ING5: variants seen among roughly 807,000 people sequenced by gnomAD.
The protein encoded by ING5 is inhibitor of growth family member 5.
ING5 carries 17 observed loss-of-function variants against 37.4 expected under a neutral mutation model. The observed-to-expected ratio is 0.45, with a 90% CI of 0.31 to 0.68. The LOEUF is 0.68. Ranked by LOEUF, ING5 falls within the 30% of genes least tolerant of loss-of-function variation. The probability of loss-of-function intolerance (pLI) is 0.05; values close to 1 mark genes in which losing one functional copy is unlikely to be tolerated. For missense variants in ING5, 233 were observed against 311.9 expected, an observed-to-expected ratio of 0.75 and a Z score of 1.91; for synonymous variants, 123 against 116.6, an observed-to-expected ratio of 1.06 and a Z score of -0.36.
intron 5 of ING5, chr2:241,722,242 C>G: frequency 1.0e-6 from 1 of 985,338 alleles, no homozygotes; most frequent in Non-Finnish European, 1.2e-6. Context: ...AGGTGTCAGC[C>G]GTCTGCTGGC....
chr2:241,722,389 T>C (rs1409264636), intron 5 of ING5: 5 of 985,054 alleles, frequency 5.1e-6, no homozygotes, highest in Non-Finnish European at 6.0e-6. Context: ...GTCCCCAGAG[T>C]GGGACCAGAA....
chr2:241,719,036 T>C (rs1321171749), intron 5 of ING5, among the ~76,000 whole-genome samples: 1 of 152,232 alleles, frequency 6.6e-6, no homozygotes, highest in East Asian at 1.9e-4. Context: ...CCAATAGGGC[T>C]GGGGGCCTGG....
intron 7 of ING5, chr2:241,723,788 C>T: frequency 6.3e-7 from 1 of 1,598,154 alleles, no homozygotes; most frequent in Non-Finnish European, 8.5e-7. Flanking sequence ...TGTTGTTCCT[C>T]AGATTTCATT....
At chr2:241,710,056 C>T (rs926842471) in intron 3 of ING5, among the ~76,000 whole-genome samples, 1 of 152,002 alleles carries the variant, frequency 6.6e-6, no homozygotes, top group East Asian at 1.9e-4. Context: ...GATTCTCCTG[C>T]CTCAGTCTCC....
intron 2 of ING5, among the ~76,000 whole-genome samples, chr2:241,705,693 A>C (rs143679984): frequency 0.13 from 19,933 of 152,114 alleles, 1,709 homozygotes; most frequent in East Asian, 0.42. Context: ...GGCATGAGCC[A>C]CCGCGCCCGG....
intron 4 of ING5, 60 bp from the exon 5 acceptor site, chr2:241,711,918 A>G: frequency 2.1e-6 from 3 of 1,450,504 alleles, no homozygotes; most frequent in Non-Finnish European, 2.8e-6. Context: ...AACAAAACAC[A>G]AAACTTGCCT....
intron 1 of ING5, among the ~76,000 whole-genome samples, chr2:241,703,097 G>C (rs1035528941): frequency 1.3e-5 from 2 of 152,076 alleles, no homozygotes; most frequent in Non-Finnish European, 2.9e-5. Flanking sequence ...GGGGTTCCCT[G>C]GGTAGAAGAG....
In ING5 at chr2:241,709,229, G is replaced by A. The variant is rs1264994018; in HGVS notation, c.123G>A (p.Glu41=). The A allele has an allele frequency of 6.2e-7, 1 of 1,611,954 alleles. No homozygotes were observed. The highest frequency in any genetic ancestry group is 1.1e-5 in the South Asian group (1 of 90,832). Residue 41 remains glutamate (E), a synonymous_variant, in exon 3 of 8, where the codon GAG becomes GAA. Coordinates refer to ENST00000313552, the MANE Select transcript of ING5 (RefSeq NM_032329.6). ...TTTCTCCATCAGATAAGAAAGCAGA[G>A]ATTGACATCCTGGCTGCAGAGTACA... is the stretch of plus-strand genomic sequence containing the variant. ...LDQRTEDKKA[E]IDILAAEYIS...
rs769632547 is a variant in ING5, at chr2:241,712,045, A to G, written c.456A>G (p.Thr152=). The change falls in exon 5 of 8, where the codon ACA becomes ACG. Residue 152 remains threonine (T), a synonymous_variant. Coordinates refer to ENST00000313552, the MANE Select transcript of ING5 (RefSeq NM_032329.6). ...GRGRRTSEED[T]PKKKKHKGGS... ...GCAGGAGGACATCAGAGGAAGACAC[A>G]CCAAAGAAAAAGAAGCACAAAGGAG... 1.9e-6 allele frequency: 3 copies of G among 1,611,966 alleles called. No homozygotes were observed. Among genetic ancestry groups the G allele is most frequent in the East Asian group, 2.2e-5 (1 of 44,868 alleles).
chr2:241,688,190 C>T (rs1187965337), intron 1 of ING5: 1 of 152,240 alleles, frequency 6.6e-6, no homozygotes, highest in Non-Finnish European at 1.5e-5. Flanking sequence ...TTCCCAGAAT[C>T]ATCTGTGTAG....
intron 2 of ING5, among the ~76,000 whole-genome samples, chr2:241,692,185 C>A (rs977006466): frequency 1.3e-5 from 2 of 152,204 alleles, no homozygotes; most frequent in African/African-American, 4.8e-5. Flanking sequence ...TCTGAGCTGG[C>A]GCCTCGTGCC....
chr2:241,723,098 C>T (rs374105337), intron 6 of ING5, 24 bp downstream of exon 6: 180 of 1,614,174 alleles, frequency 1.1e-4, no homozygotes, highest in South Asian at 7.2e-4. Flanking sequence ...GCAGGATTCG[C>T]GCCATGGGGC....
At position 241,711,365 on chromosome 2, in the gene ING5, A is replaced by G; in HGVS notation, c.277-12A>G. The G allele has an allele frequency of 6.8e-7, 1 of 1,474,650 alleles. No homozygotes were observed. The highest frequency in any genetic ancestry group is 1.5e-5 in the African/African-American group (1 of 68,732). 91.3% of individuals were successfully genotyped at this position (1,474,650 alleles called of 1,614,324 possible). ...TTTACTTTAAAATAAGACTTTGGGT[A>G]TCCTTTTGTAGGTGGATAAACACAT... is the stretch of plus-strand genomic sequence containing the variant. On this transcript the variant is annotated splice_polypyrimidine_tract_variant and intron_variant, in intron 3 of 7. Coordinates refer to ENST00000313552, the MANE Select transcript of ING5 (RefSeq NM_032329.6).
rs574069876 is a variant in ING5, at chr2:241,718,503, G to A, written c.483-4436G>A. 2.8e-5 allele frequency among the ~76,000 whole-genome samples: 4 copies of A among 144,452 alleles called. No homozygotes were observed. The East Asian group carries it at 8.5e-4, about 31-fold the overall frequency. 94.8% of individuals were successfully genotyped at this position (144,452 alleles called of 152,430 possible). A position where few individuals can be genotyped will look rare whatever the true frequency, so the allele number is the denominator to read the frequency against. On this transcript the variant is annotated intron_variant, in intron 5 of 7. Transcript: ENST00000313552. Reference sequence around the variant, plus strand: ...ACAATCTTGGCTCACTGCAAGCTCCGCCTCCCAAGTTCAAGCGATTCTCTG... The same window carrying A: ...ACAATCTTGGCTCACTGCAAGCTCCACCTCCCAAGTTCAAGCGATTCTCTG...
chr2:241,720,138 A>G, intron 5 of ING5: 1 of 1,237,614 alleles, frequency 8.1e-7, no homozygotes, highest in East Asian at 3.1e-5. Flanking sequence ...AGTCGGTTGG[A>G]CCCAAAGCCT....
At chr2:241,697,639 G>C (rs963610980), upstream of ING5, among the ~76,000 whole-genome samples, 3 of 150,734 alleles carry the variant, frequency 2.0e-5, no homozygotes, top group Non-Finnish European at 4.4e-5. Flanking sequence ...AAGCAAACTG[G>C]AAACAGTAAA....
intron 2 of ING5, among the ~76,000 whole-genome samples, chr2:241,707,595 G>T (rs2069962692): frequency 6.6e-6 from 1 of 152,084 alleles, no homozygotes; most frequent in South Asian, 2.1e-4. Flanking sequence ...CCCGGCCTGG[G>T]CACATGTTTT....
At chr2:241,690,301 C>T in exon 2 of ING5, 1 of 284,124 alleles carries the variant, frequency 3.5e-6, no homozygotes, top group Admixed American at 5.2e-5. Context: ...TACCTTTTAG[C>T]ACAGGTAGCA....
chr2:241,723,871 GTGGTGGTGCGTGCC>G lies in ING5; in HGVS notation c.680+603_680+616del, dbSNP rs1691497223. The G allele has an allele frequency of 2.1e-6, 3 of 1,459,442 alleles. No individual in the cohort carries two copies. The East Asian group carries it at 6.8e-5, about 33-fold the overall frequency. 90.4% of individuals were successfully genotyped at this position (1,459,442 alleles called of 1,614,324 possible). The stretch of plus-strand genomic sequence containing the variant: ...CAAAAAATACAAAAATTAGCTGGGC[GTGGTGGTGCGTGCC>G]TGTGGTCCCAACTACCTGGGAGGCG... On this transcript the variant is annotated intron_variant, in intron 7 of 7. Coordinates refer to ENST00000313552, the MANE Select transcript of ING5 (RefSeq NM_032329.6).
Sources: allele counts gnomAD v4.1 joint callset (sites outside exome capture counted in the v4.1 genomes callset), GRCh38; gene constraint gnomAD v4.1.1; transcripts MANE v1.5; gene names NCBI Gene and HGNC (gene_info 2026-07-23, HGNC 2026-07-21).